UNC79: variants seen among roughly 807,000 people sequenced by gnomAD.
UNC79 encodes protein unc-79 homolog.
A neutral mutation model predicts 283.1 loss-of-function variants in UNC79; 37 were observed. The observed-to-expected ratio is 0.13, with a 90% confidence interval of 0.10 to 0.17. The LOEUF (loss-of-function observed/expected upper bound fraction) is 0.17. Ranked by LOEUF, UNC79 falls within the 10% of genes least tolerant of loss-of-function variation. The probability of loss-of-function intolerance (pLI) is 1.00; values close to 1 mark genes in which losing one functional copy is unlikely to be tolerated. For synonymous variants in UNC79, 1,107 were observed against 1,200.2 expected (o/e 0.92, Z 1.61); for missense variants, 2,272 against 3,211.1 (o/e 0.71, Z 7.07).
intron 41 of UNC79, among the ~76,000 whole-genome samples, chr14:93,678,930 T>A (rs1242754259): frequency 6.6e-6 from 1 of 152,216 alleles, no homozygotes; most frequent in East Asian, 1.9e-4. Context: ...TAGTTCTCCT[T>A]TTGCATTTTG....
intron 31 of UNC79, among the ~76,000 whole-genome samples, chr14:93,635,124 C>T (rs190913463): frequency 9.9e-5 from 15 of 152,248 alleles, no homozygotes; most frequent in Admixed American, 5.9e-4. Context: ...AGGTTGCAGC[C>T]GCACACCCCC....
intron 7 of UNC79, among the ~76,000 whole-genome samples, chr14:93,521,970 A>C (rs1317363074): frequency 6.6e-6 from 1 of 151,676 alleles, no homozygotes; most frequent in African/African-American, 2.4e-5. Context: ...GATTTTTGAT[A>C]CATAGCAAAA....
chr14:93,374,673 G>C (rs923519130), intron 1 of UNC79, among the ~76,000 whole-genome samples: 1 of 152,006 alleles, frequency 6.6e-6, no homozygotes, highest in Non-Finnish European at 1.5e-5. Flanking sequence ...TGAGTAGCTG[G>C]GATTACAGTT....
rs117392869 is a variant in UNC79 at position 93,588,245 on chromosome 14, G to A, written c.3032+1337G>A. ...GACCTTAAAATAGAGTCAGAGGTGT[G>A]CTTTACTAGAATGAGTATGGAGAAA... On this transcript the variant is annotated intron_variant, in intron 22 of 48. Transcript: ENST00000555664. 1.1e-3 allele frequency among the ~76,000 whole-genome samples: 171 copies of A among 152,196 alleles called. 2 individuals carry two copies. The East Asian group carries it at 0.023, about 21-fold the overall frequency.
chr14:93,351,072 G>T (rs961016252), intron 1 of UNC79, among the ~76,000 whole-genome samples: 1 of 152,210 alleles, frequency 6.6e-6, no homozygotes, highest in South Asian at 2.1e-4. Flanking sequence ...TTTTCAACAG[G>T]TTTGACTTTT....
intron 1 of UNC79, among the ~76,000 whole-genome samples, chr14:93,447,965 T>C (rs2056513555): frequency 6.6e-6 from 1 of 152,188 alleles, no homozygotes; most frequent in Admixed American, 6.5e-5. Flanking sequence ...TCTATTGGCA[T>C]GGGCCTCTGG....
intron 7 of UNC79, among the ~76,000 whole-genome samples, chr14:93,508,364 A>T (rs2059653593): frequency 6.6e-6 from 1 of 152,140 alleles, no homozygotes; most frequent in Admixed American, 6.6e-5. Context: ...GTTTATTAAA[A>T]ACAGCAGCAG....
intron 19 of UNC79, among the ~76,000 whole-genome samples, chr14:93,581,890 G>C (rs978030180): frequency 3.3e-5 from 5 of 152,240 alleles, no homozygotes; most frequent in African/African-American, 1.2e-4. Context: ...GACTTGATGA[G>C]TGGGACACTG....
In UNC79 at chr14:93,542,494, C is replaced by T. The variant is rs750089897; in HGVS notation, c.1553C>T (p.Thr518Met). 13 of 1,613,966 alleles carry T rather than the reference C, an allele frequency of 8.1e-6. No homozygotes were observed. The highest frequency in any genetic ancestry group is 3.3e-5 in the South Asian group (3 of 91,060). Residue 518 changes from threonine to methionine, a missense_variant, in exon 14 of 49, where the codon ACG (threonine) becomes ATG (methionine). Around this residue, in one of 11 missense-constraint regions of UNC79, gnomAD observed 142 missense variants for 230.7 expected, o/e 0.62. Transcript: ENST00000555664. ...AGCCTCTGCACACCCAGTGAGAACA[C>T]GCCTACAGAAAGCTTGGCCCGGCTG...
intron 22 of UNC79, among the ~76,000 whole-genome samples, chr14:93,588,070 CTTTA>C (rs528106759): frequency 1.3e-5 from 2 of 151,776 alleles, no homozygotes; most frequent in African/African-American, 2.4e-5. Flanking sequence ...GATACTGAAG[CTTTA>C]TTTATTTATT....
intron 1 of UNC79, among the ~76,000 whole-genome samples, chr14:93,352,116 A>G (rs1320888014): frequency 6.6e-6 from 1 of 152,216 alleles, no homozygotes. Context: ...AGGTGTGAGC[A>G]CAGTGGCTAA....
intron 14 of UNC79, among the ~76,000 whole-genome samples, chr14:93,569,993 C>T (rs1004526598): frequency 6.6e-6 from 1 of 152,128 alleles, no homozygotes; most frequent in African/African-American, 2.4e-5. Flanking sequence ...GTGGCCCAGG[C>T]TGGAGTATAG....
Position 93,617,442 on chromosome 14 carries a change from C to A in UNC79, c.4224+138C>A. 2 of 855,294 alleles carry A rather than the reference C, an allele frequency of 2.3e-6. No homozygotes were observed. The highest frequency in any genetic ancestry group is 2.6e-5 in the East Asian group (1 of 37,954). The allele number at this position is 855,294 out of a possible 1,614,324, so 53.0% of individuals were successfully genotyped here. A position where few individuals can be genotyped will look rare whatever the true frequency, so the allele number is the denominator to read the frequency against. ...GAAGGAAGATCAGGATATGCAATTA[C>A]TGTTAAGAACCAAAGAGCTATTGAA... On this transcript the variant is annotated intron_variant, in intron 28 of 48. Transcript: ENST00000555664. The surrounding 1 kb of genome is among the most constrained non-coding windows in gnomAD (Gnocchi z 4.5).
intron 1 of UNC79, among the ~76,000 whole-genome samples, chr14:93,367,941 G>C (rs1449533929): frequency 6.6e-6 from 1 of 152,220 alleles, no homozygotes; most frequent in Non-Finnish European, 1.5e-5. Flanking sequence ...CCTGATCAGA[G>C]TCAATGTGAG....
At chr14:93,665,686 A>G (rs1280057633) in intron 40 of UNC79, among the ~76,000 whole-genome samples, 1 of 152,014 alleles carries the variant, frequency 6.6e-6, no homozygotes, top group Non-Finnish European at 1.5e-5. Flanking sequence ...TACACTTCTC[A>G]ACAGCACAAT....
At chr14:93,689,901 G>C in intron 44 of UNC79, 1 of 569,854 alleles carries the variant, frequency 1.8e-6, no homozygotes, top group Non-Finnish European at 3.1e-6. Context: ...GTCACCAAAG[G>C]CTGTTCTTTT....
At chr14:93,366,382 A>T (rs992411748) in intron 1 of UNC79, among the ~76,000 whole-genome samples, 1 of 152,106 alleles carries the variant, frequency 6.6e-6, no homozygotes, top group African/African-American at 2.4e-5. Flanking sequence ...CAGGTTCTTA[A>T]TGGGATGTAT....
At chr14:93,441,803 G>A (rs1433069573) in intron 1 of UNC79, among the ~76,000 whole-genome samples, 1 of 151,938 alleles carries the variant, frequency 6.6e-6, no homozygotes. Flanking sequence ...TATAATCATG[G>A]TTTAGCTTTG....
chr14:93,694,243 G>T, intron 46 of UNC79, 92 bp from the exon 50 acceptor site: 1 of 1,161,980 alleles, frequency 8.6e-7, no homozygotes, highest in South Asian at 1.4e-5. Context: ...GACCTCATGG[G>T]CACAGGACAT....
Sources: allele counts gnomAD v4.1 joint callset (sites outside exome capture counted in the v4.1 genomes callset), GRCh38; gene constraint gnomAD v4.1.1; regional missense constraint gnomAD v4.1.1; non-coding constraint Gnocchi (gnomAD v3.1); transcripts MANE v1.5; gene names NCBI Gene and HGNC (gene_info 2026-07-23, HGNC 2026-07-21).